Variants in GSG1L observed in about 807,000 individuals in gnomAD.
GSG1L encodes GSG1 like, also known as germ cell-specific gene 1-like protein.
Under a neutral mutation model 42.1 loss-of-function variants are expected in GSG1L, and 24 were observed. The observed-to-expected ratio is 0.57, with a 90% confidence interval of 0.41 to 0.80. GSG1L has a LOEUF of 0.80. Among genes scored for constraint, GSG1L ranks in the 30% least tolerant of loss-of-function variants. The pLI, the probability that GSG1L is intolerant of heterozygous loss-of-function variation, is 0.00. For synonymous variants in GSG1L, 215 were observed against 203.5 expected (o/e 1.06, Z -0.48); for missense variants, 445 against 472.2 (o/e 0.94, Z 0.53).
chr16:27,795,485 C>A (rs916276578), intron 6 of GSG1L, among the ~76,000 whole-genome samples: 1 of 152,198 alleles, frequency 6.6e-6, no homozygotes, highest in African/African-American at 2.4e-5. Flanking sequence ...TGGATGAAAG[C>A]TACAAAGGAG....
chr16:27,898,071 A>G (rs539749729), intron 2 of GSG1L, among the ~76,000 whole-genome samples: 1 of 152,336 alleles, frequency 6.6e-6, no homozygotes, highest in South Asian at 2.1e-4. Flanking sequence ...ACAAGCCTCC[A>G]GGCCTTGTCA....
At chr16:27,869,719 CTCTCTG>C (rs1160596554) in intron 3 of GSG1L, among the ~76,000 whole-genome samples, 1 of 134,906 alleles carries the variant, frequency 7.4e-6, no homozygotes, top group Non-Finnish European at 1.6e-5. Flanking sequence ...CTCTCCTTCT[CTCTCTG>C]TCTCTGTCTC....
intron 1 of GSG1L, among the ~76,000 whole-genome samples, chr16:28,032,515 C>A (rs2085977294): frequency 6.6e-6 from 1 of 152,258 alleles, no homozygotes; most frequent in Non-Finnish European, 1.5e-5. Flanking sequence ...ATGTCTCCAG[C>A]CTGATCACAC....
At chr16:27,900,309 C>A (rs2084241862) in intron 2 of GSG1L, among the ~76,000 whole-genome samples, 2 of 152,252 alleles carry the variant, frequency 1.3e-5, no homozygotes, top group African/African-American at 4.8e-5. Flanking sequence ...TCCACAACCA[C>A]TCTATGCCTT....
chr16:27,881,238 C>CTTT (rs149874320), intron 3 of GSG1L, among the ~76,000 whole-genome samples: 1,898 of 106,888 alleles, frequency 0.018, 93 homozygotes, highest in African/African-American at 0.039. Flanking sequence ...AAGTATCATA[C>CTTT]TTTTTTTTTT....
intron 1 of GSG1L, among the ~76,000 whole-genome samples, chr16:28,039,579 G>T (rs779019609): frequency 6.7e-6 from 1 of 149,798 alleles, no homozygotes; most frequent in African/African-American, 2.5e-5. Flanking sequence ...GCACACACGC[G>T]CACACATGCA....
At chr16:27,866,506 G>A (rs766886606) in intron 3 of GSG1L, among the ~76,000 whole-genome samples, 3 of 152,060 alleles carry the variant, frequency 2.0e-5, no homozygotes, top group Admixed American at 6.6e-5. Context: ...TGGTGTTGAG[G>A]CCAGGATCCA....
intron 3 of GSG1L, among the ~76,000 whole-genome samples, chr16:27,882,175 T>C (rs1379168486): frequency 6.6e-6 from 1 of 152,206 alleles, no homozygotes; most frequent in Non-Finnish European, 1.5e-5. Flanking sequence ...GATGGTTTTA[T>C]GAAGAGCAGT....
At chr16:27,942,817 G>T (rs796463580) in intron 2 of GSG1L, among the ~76,000 whole-genome samples, 5 of 152,300 alleles carry the variant, frequency 3.3e-5, no homozygotes, top group African/African-American at 1.2e-4. Context: ...ACTAGTGGGG[G>T]TGTAAACTGG....
chr16:27,927,335 C>G (rs1359559634), intron 2 of GSG1L, among the ~76,000 whole-genome samples: 1 of 152,042 alleles, frequency 6.6e-6, no homozygotes, highest in Non-Finnish European at 1.5e-5. Flanking sequence ...GATGGGGTCT[C>G]ACGGTGTTGC....
At chr16:27,882,447 C>T (rs2083970596) in intron 3 of GSG1L, among the ~76,000 whole-genome samples, 1 of 89,766 alleles carries the variant, frequency 1.1e-5, no homozygotes, top group South Asian at 3.8e-4. Flanking sequence ...ATGGTAAAAT[C>T]CAGACTCTAT....
chr16:27,817,586 G>A (rs1490775911), intron 5 of GSG1L, among the ~76,000 whole-genome samples: 1 of 152,054 alleles, frequency 6.6e-6, no homozygotes, highest in Non-Finnish European at 1.5e-5. Context: ...CAATTCATGG[G>A]CTCAAGTGAT....
intron 2 of GSG1L, among the ~76,000 whole-genome samples, chr16:27,928,773 C>G (rs1412170003): frequency 6.6e-6 from 1 of 152,222 alleles, no homozygotes; most frequent in Non-Finnish European, 1.5e-5. Context: ...GAGAGCTGTC[C>G]TGATCTCTAT....
intron 4 of GSG1L, among the ~76,000 whole-genome samples, chr16:27,831,490 G>A (rs1400245984): frequency 6.6e-6 from 1 of 152,210 alleles, no homozygotes; most frequent in Non-Finnish European, 1.5e-5. Flanking sequence ...GATCTTAAGG[G>A]TGACCAAGTC....
chr16:27,991,334 T>G (rs2085453556), intron 1 of GSG1L, among the ~76,000 whole-genome samples: 1 of 64,808 alleles, frequency 1.5e-5, no homozygotes, highest in Admixed American at 1.9e-4. Flanking sequence ...GTTTTTTGTT[T>G]TTGTTTTTTT....
intron 3 of GSG1L, among the ~76,000 whole-genome samples, chr16:27,853,239 G>A (rs1189040255): frequency 1.3e-5 from 2 of 152,144 alleles, no homozygotes; most frequent in Non-Finnish European, 2.9e-5. Context: ...TCTGCCCTGG[G>A]GGAACCCCAC....
intron 3 of GSG1L, among the ~76,000 whole-genome samples, chr16:27,866,718 T>C (rs1360214680): frequency 6.6e-6 from 1 of 152,120 alleles, no homozygotes; most frequent in African/African-American, 2.4e-5. Context: ...ACTACAGACT[T>C]GCACCACCAT....
chr16:27,850,849 C>G (rs2083505241), intron 3 of GSG1L, among the ~76,000 whole-genome samples: 1 of 150,968 alleles, frequency 6.6e-6, no homozygotes, highest in Admixed American at 6.6e-5. Context: ...CCATGTTGCC[C>G]AGACTGGTCT....
intron 1 of GSG1L, among the ~76,000 whole-genome samples, chr16:28,042,952 C>T (rs2141186828): frequency 6.6e-6 from 1 of 152,216 alleles, no homozygotes; most frequent in Non-Finnish European, 1.5e-5. Context: ...AATGCAAACG[C>T]AGAGCGAAAA....
Sources: gnomAD v4.1 joint callset for allele counts (sites outside exome capture counted in the v4.1 genomes callset) on GRCh38, gnomAD v4.1.1 for gene constraint, MANE v1.5 for transcripts, NCBI Gene and HGNC (gene_info 2026-07-23, HGNC 2026-07-21) for gene names.